P4HA3: variants seen among roughly 807,000 people sequenced by gnomAD.
P4HA3 encodes the protein prolyl 4-hydroxylase subunit alpha 3, also known as prolyl 4-hydroxylase subunit alpha-3.
P4HA3 carries 60 observed loss-of-function variants against 66.7 expected under a neutral mutation model. The observed-to-expected ratio is 0.90, with a 90% confidence interval of 0.73 to 1.12. P4HA3 has a LOEUF of 1.12. P4HA3 is among the 50% of genes most tolerant of loss of function. The pLI is 0.00. For missense variants in P4HA3, 683 were observed against 685.8 expected (o/e 1.00, Z 0.05); for synonymous variants, 263 against 274.6 (o/e 0.96, Z 0.42).
chr11:74,308,166 A>T (rs1407029578), intron 1 of P4HA3, among the ~76,000 whole-genome samples: 1 of 152,126 alleles, frequency 6.6e-6, no homozygotes, highest in Non-Finnish European at 1.5e-5. Flanking sequence ...TAAAATCACC[A>T]GATTGGGAGT....
At chr11:74,310,687 T>A (rs1173515765) in intron 1 of P4HA3, among the ~76,000 whole-genome samples, 2 of 152,202 alleles carry the variant, frequency 1.3e-5, no homozygotes, top group African/African-American at 4.8e-5. Flanking sequence ...AAATATGTGT[T>A]GTATGAATTA....
At chr11:74,271,324 A>G (rs1280606072) in intron 10 of P4HA3, among the ~76,000 whole-genome samples, 1 of 152,206 alleles carries the variant, frequency 6.6e-6, no homozygotes, top group Non-Finnish European at 1.5e-5. Context: ...AGCCCTTGTC[A>G]GTAAGGGGCA....
chr11:74,269,262 A>G (rs1429727407), intron 11 of P4HA3, among the ~76,000 whole-genome samples: 1 of 152,146 alleles, frequency 6.6e-6, no homozygotes, highest in East Asian at 1.9e-4. Context: ...TCCTGGATCA[A>G]AGGGCTATGA....
intron 3 of P4HA3, among the ~76,000 whole-genome samples, chr11:74,301,872 C>A (rs1002979590): frequency 2.0e-5 from 3 of 152,136 alleles, no homozygotes; most frequent in Non-Finnish European, 4.4e-5. Flanking sequence ...GCATTGGATT[C>A]CAGAAAGTCT....
At position 74,269,711 on chromosome 11, in the gene P4HA3, C is replaced by T. The variant is rs775165146; in HGVS notation, c.1408G>A (p.Val470Met). The T allele has an allele frequency of 6.2e-7, 1 of 1,613,970 alleles. No homozygotes were observed. ...VATFMIYLSSVEAGGATAFIY... is the reference protein window; with the variant it reads ...VATFMIYLSSMEAGGATAFIY... Reference sequence around the variant, plus strand: ...AAGGCTGTGGCTCCTCCAGCTTCCACCGAGCTCAGCTACAAGACCAGAGGA... The same window carrying T: ...AAGGCTGTGGCTCCTCCAGCTTCCATCGAGCTCAGCTACAAGACCAGAGGA... The change falls in exon 11 of 13, where the codon GTG (valine) becomes ATG (methionine). Residue 470 changes from valine to methionine, a missense_variant. By Grantham distance (21) the Val-to-Met change is conservative. Coordinates refer to ENST00000331597, the MANE Select transcript of P4HA3 (RefSeq NM_182904.5).
intron 4 of P4HA3, among the ~76,000 whole-genome samples, chr11:74,291,925 G>T (rs550540868): frequency 2.0e-5 from 3 of 152,220 alleles, no homozygotes; most frequent in South Asian, 4.2e-4. Context: ...TTGTGTCTCT[G>T]CCGGGCTTTG....
At chr11:74,308,378 A>G (rs935503339) in intron 1 of P4HA3, among the ~76,000 whole-genome samples, 2 of 152,016 alleles carry the variant, frequency 1.3e-5, no homozygotes, top group Non-Finnish European at 2.9e-5. Context: ...ACAAAAACAA[A>G]AACAAAAAAA....
chr11:74,286,239 G>C lies in P4HA3; in HGVS notation c.922C>G (p.Leu308Val), dbSNP rs1261415024. 1.3e-5 allele frequency: 21 copies of C among 1,612,138 alleles called. No individual in the cohort carries two copies. Among genetic ancestry groups the C allele is most frequent in the Non-Finnish European group, 1.7e-5 (20 of 1,179,516 alleles). ...RDTYEGLCQT[L>V]GSQPTLYQIP... ...CTGAGGAATCCTACCTGGGAACCCAGGGTCTGACATAGCCCCTCGTAGGTG... is the reference window on the plus strand; with the variant it reads ...CTGAGGAATCCTACCTGGGAACCCACGGTCTGACATAGCCCCTCGTAGGTG... Residue 308 changes from leucine (L) to valine (V), a missense_variant, in exon 6 of 13, where the codon CTG (leucine) becomes GTG (valine). Physicochemically the swap from Leu to Val is conservative, Grantham distance 32 (BLOSUM62 1). Coordinates refer to ENST00000331597, the MANE Select transcript of P4HA3 (RefSeq NM_182904.5).
intron 1 of P4HA3, among the ~76,000 whole-genome samples, chr11:74,307,121 A>G (rs1488686966): frequency 6.6e-6 from 1 of 152,220 alleles, no homozygotes; most frequent in African/African-American, 2.4e-5. Flanking sequence ...CTGGATAGGA[A>G]GGAACTGGGA....
intron 15 of P4HA3, chr11:74,250,842 G>A (rs1237240930): frequency 1.2e-6 from 1 of 829,196 alleles, no homozygotes; most frequent in Non-Finnish European, 2.0e-6. Flanking sequence ...AGAGTATTGA[G>A]GTGAGGTTGG....
intron 4 of P4HA3, among the ~76,000 whole-genome samples, chr11:74,296,067 A>T (rs969954101): frequency 6.6e-6 from 1 of 152,264 alleles, no homozygotes; most frequent in African/African-American, 2.4e-5. Context: ...AAATGAAAAG[A>T]GAACATATAT....
chr11:74,292,706 C>A (rs987642778), intron 4 of P4HA3, among the ~76,000 whole-genome samples: 2 of 152,070 alleles, frequency 1.3e-5, no homozygotes, highest in Non-Finnish European at 1.5e-5. Flanking sequence ...ATTATTTACC[C>A]AGTAGTCATT....
At chr11:74,291,017 T>A (rs1245515128) in intron 4 of P4HA3, among the ~76,000 whole-genome samples, 1 of 152,212 alleles carries the variant, frequency 6.6e-6, no homozygotes, top group Non-Finnish European at 1.5e-5. Flanking sequence ...TGGCATTGAA[T>A]CTATAAATTA....
chr11:74,295,250 G>A (rs183377039), intron 4 of P4HA3, among the ~76,000 whole-genome samples: 257 of 152,260 alleles, frequency 1.7e-3, no homozygotes, highest in African/African-American at 5.9e-3. Flanking sequence ...GTTAGTGGAG[G>A]GAAGCAAAGA....
At chr11:74,274,645 T>C (rs1860332632) in intron 9 of P4HA3, among the ~76,000 whole-genome samples, 1 of 152,220 alleles carries the variant, frequency 6.6e-6, no homozygotes, top group Non-Finnish European at 1.5e-5. Flanking sequence ...AAAGCTACTA[T>C]AAACTTTTCT....
At chr11:74,307,259 C>T (rs986292634) in intron 1 of P4HA3, among the ~76,000 whole-genome samples, 1 of 152,114 alleles carries the variant, frequency 6.6e-6, no homozygotes, top group African/African-American at 2.4e-5. Context: ...CTCATCACCC[C>T]CTCCACAACT....
intron 14 of P4HA3, among the ~76,000 whole-genome samples, chr11:74,260,958 G>A (rs968527818): frequency 6.6e-6 from 1 of 152,160 alleles, no homozygotes; most frequent in Non-Finnish European, 1.5e-5. Flanking sequence ...TGCCAACTGG[G>A]GACCTCCATG....
At chr11:74,290,817 T>A (rs535598454) in intron 4 of P4HA3, among the ~76,000 whole-genome samples, 1 of 152,352 alleles carries the variant, frequency 6.6e-6, no homozygotes, top group African/African-American at 2.4e-5. Context: ...TCTGTTTTGG[T>A]ACCAGTAACA....
At position 74,267,004 on chromosome 11, in the gene P4HA3, C is replaced by T. The variant is rs2135700766; in HGVS notation, c.*244G>A. The T allele has an allele frequency of 5.3e-6, 8 of 1,500,826 alleles. No individual in the cohort carries two copies. In the South Asian group the frequency reaches 7.6e-5, roughly 14 times the overall value. 93.0% of individuals were successfully genotyped at this position (1,500,826 alleles called of 1,614,324 possible). On this transcript the variant is annotated 3_prime_UTR_variant, in exon 13 of 13. Coordinates refer to ENST00000331597, the MANE Select transcript of P4HA3 (RefSeq NM_182904.5). ...CTCCAGAAACTTCCCTCTCAGGCCT[C>T]CACTCCCCCCTCCTTTGTACTGTGC...
Sources: allele counts gnomAD v4.1 joint callset (sites outside exome capture counted in the v4.1 genomes callset), GRCh38; gene constraint gnomAD v4.1.1; transcripts MANE v1.5; gene names NCBI Gene and HGNC (gene_info 2026-07-23, HGNC 2026-07-21).